CDYL2: variants seen among roughly 807,000 people sequenced by gnomAD.
CDYL2 encodes chromodomain Y-like protein 2.
In CDYL2, 23 loss-of-function variants were observed where a neutral mutation model predicts 49.4. The ratio of observed to expected loss-of-function variants is 0.47; its 90% CI spans 0.34 to 0.66. CDYL2 has a LOEUF of 0.66. CDYL2 is among the 30% of genes least tolerant of loss of function. The probability of loss-of-function intolerance (pLI) is 0.01; values close to 1 mark genes in which losing one functional copy is unlikely to be tolerated. For missense variants in CDYL2, 678 were observed against 656.4 expected, an observed-to-expected ratio of 1.03 and a Z score of -0.36; for synonymous variants, 360 against 268.8, an observed-to-expected ratio of 1.34 and a Z score of -3.32.
intron 4 of CDYL2, among the ~76,000 whole-genome samples, chr16:80,613,791 C>T (rs370464247): frequency 6.6e-6 from 1 of 152,190 alleles, no homozygotes; most frequent in Admixed American, 6.5e-5. Flanking sequence ...AGTCTGCATC[C>T]TTCGTTACTT....
intron 1 of CDYL2, among the ~76,000 whole-genome samples, chr16:80,745,565 A>C (rs886546466): frequency 1.3e-5 from 2 of 152,168 alleles, no homozygotes; most frequent in Non-Finnish European, 2.9e-5. Flanking sequence ...GTGAGGATTA[A>C]AACACTTCAA....
intron 1 of CDYL2, among the ~76,000 whole-genome samples, chr16:80,720,761 G>C (rs893947652): frequency 6.6e-6 from 1 of 152,176 alleles, no homozygotes; most frequent in African/African-American, 2.4e-5. Flanking sequence ...AGCAGCATTA[G>C]TGAGTGAAGA....
intron 1 of CDYL2, among the ~76,000 whole-genome samples, chr16:80,799,328 G>C (rs1907856932): frequency 6.6e-6 from 1 of 152,184 alleles, no homozygotes. Context: ...GCAACTCCTA[G>C]AGAACACCAT....
At chr16:80,726,223 G>A (rs942502368) in intron 1 of CDYL2, among the ~76,000 whole-genome samples, 1 of 152,104 alleles carries the variant, frequency 6.6e-6, no homozygotes, top group African/African-American at 2.4e-5. Flanking sequence ...TGTTGCAAAG[G>A]GATTTGAGGA....
intron 1 of CDYL2, among the ~76,000 whole-genome samples, chr16:80,786,153 A>C (rs983599296): frequency 9.2e-5 from 14 of 151,538 alleles, no homozygotes; most frequent in African/African-American, 2.9e-4. Context: ...CAGCAAAAGA[A>C]ACTATCATCA....
rs199547447 is a variant in CDYL2, at chr16:80,672,348, C to G, written c.616+12190G>C. On this transcript the variant is annotated intron_variant, in intron 2 of 6. Transcript: ENST00000570137. The stretch of plus-strand genomic sequence containing the variant: ...ACACACACACACACACACACACACA[C>G]ACACAGAGAGAGAGAGAGAGATGAG... 7.1e-3 allele frequency among the ~76,000 whole-genome samples: 606 copies of G among 85,166 alleles called. 1 individual carries two copies. Among genetic ancestry groups the G allele is most frequent in the Non-Finnish European group, 0.014 (417 of 29,674 alleles). 55.9% of individuals were successfully genotyped at this position (85,166 alleles called of 152,430 possible). A position where few individuals can be genotyped will look rare whatever the true frequency, so the allele number is the denominator to read the frequency against.
chr16:80,621,824 A>G (rs1432815583), intron 3 of CDYL2, among the ~76,000 whole-genome samples: 1 of 152,034 alleles, frequency 6.6e-6, no homozygotes, highest in Admixed American at 6.6e-5. Flanking sequence ...GGTCTCTATG[A>G]CCTTGTCTTA....
intron 2 of CDYL2, among the ~76,000 whole-genome samples, chr16:80,658,488 A>G (rs1286969671): frequency 6.6e-6 from 1 of 152,136 alleles, no homozygotes; most frequent in Non-Finnish European, 1.5e-5. Context: ...GTAAGAATGG[A>G]GCAATTCTAA....
At chr16:80,803,658 C>G (rs1395634386) in intron 1 of CDYL2, among the ~76,000 whole-genome samples, 1 of 138,664 alleles carries the variant, frequency 7.2e-6, no homozygotes, top group Non-Finnish European at 1.6e-5. Context: ...GCTCCGATCG[C>G]CCGCCCCCCT....
chr16:80,633,682 T>C (rs1240977741), intron 2 of CDYL2, among the ~76,000 whole-genome samples: 1 of 152,032 alleles, frequency 6.6e-6, no homozygotes, highest in Non-Finnish European at 1.5e-5. Context: ...AGCATGACCT[T>C]ATTTAATATG....
At chr16:80,657,497 C>A (rs1025290719) in intron 2 of CDYL2, among the ~76,000 whole-genome samples, 1 of 152,122 alleles carries the variant, frequency 6.6e-6, no homozygotes, top group Non-Finnish European at 1.5e-5. Context: ...CACAGCATTA[C>A]ACAAAAATGG....
intron 2 of CDYL2, among the ~76,000 whole-genome samples, chr16:80,665,505 T>A (rs1252008899): frequency 4.1e-5 from 5 of 121,628 alleles, no homozygotes; most frequent in Non-Finnish European, 6.5e-5. Context: ...TTTTTGCCAT[T>A]AAAAAAAAAA....
chr16:80,652,642 G>A (rs1432526804), intron 2 of CDYL2, among the ~76,000 whole-genome samples: 1 of 152,180 alleles, frequency 6.6e-6, no homozygotes, highest in African/African-American at 2.4e-5. Context: ...GGAGAAACCT[G>A]ACACGCATAC....
chr16:80,735,681 G>A (rs1905497017), intron 1 of CDYL2, among the ~76,000 whole-genome samples: 1 of 152,176 alleles, frequency 6.6e-6, no homozygotes. Flanking sequence ...GGGAAGTTTT[G>A]TGCATAGACC....
intron 2 of CDYL2, among the ~76,000 whole-genome samples, chr16:80,672,352 C>CACACACACACACACACAGAGAGAG (rs68130206): frequency 8.5e-6 from 1 of 117,772 alleles, no homozygotes; most frequent in East Asian, 3.0e-4. Context: ...CACACACACA[C>CACACACACACACACACAGAGAGAG]AGAGAGAGAG....
chr16:80,784,947 A>C (rs1907386419), intron 1 of CDYL2, among the ~76,000 whole-genome samples: 3 of 152,188 alleles, frequency 2.0e-5, no homozygotes, highest in African/African-American at 7.2e-5. Context: ...GCATGAGCAA[A>C]GGTCATGAAG....
At chr16:80,710,702 T>A (rs1904566851) in intron 1 of CDYL2, among the ~76,000 whole-genome samples, 1 of 152,172 alleles carries the variant, frequency 6.6e-6, no homozygotes, top group Non-Finnish European at 1.5e-5. Context: ...TGATCTATTG[T>A]ACATCTTGAA....
intron 1 of CDYL2, among the ~76,000 whole-genome samples, chr16:80,803,425 C>G (rs1907986862): frequency 6.6e-6 from 1 of 152,174 alleles, no homozygotes; most frequent in Non-Finnish European, 1.5e-5. Context: ...ACCCAGGGCC[C>G]TCCGCAGCGC....
intron 1 of CDYL2, among the ~76,000 whole-genome samples, chr16:80,716,892 T>C (rs1416566265): frequency 6.6e-6 from 1 of 151,754 alleles, no homozygotes; most frequent in African/African-American, 2.4e-5. Context: ...GATGGATGGA[T>C]GGATGGATGG....
Sources: gnomAD v4.1 joint callset for allele counts (sites outside exome capture counted in the v4.1 genomes callset) on GRCh38, gnomAD v4.1.1 for gene constraint, MANE v1.5 for transcripts, NCBI Gene and HGNC (gene_info 2026-07-23, HGNC 2026-07-21) for gene names.